Variants in GABRG3 observed in about 807,000 individuals in gnomAD.
The protein encoded by GABRG3 is gamma-aminobutyric acid type A receptor subunit gamma3.
In GABRG3, 25 loss-of-function variants were observed where a neutral mutation model predicts 48.8. The ratio of observed to expected loss-of-function variants is 0.51; its 90% CI spans 0.37 to 0.72. The LOEUF is 0.72. Ranked by LOEUF, GABRG3 falls within the 30% of genes least tolerant of loss-of-function variation. The pLI, the probability that GABRG3 is intolerant of heterozygous loss-of-function variation, is 0.00. For synonymous variants in GABRG3, 227 were observed against 217.6 expected, an observed-to-expected ratio of 1.04 and a Z score of -0.38; for missense variants, 394 against 577.9, an observed-to-expected ratio of 0.68 and a Z score of 3.26.
At chr15:27,501,748 G>C (rs906768984) in intron 6 of GABRG3, among the ~76,000 whole-genome samples, 2 of 152,124 alleles carry the variant, frequency 1.3e-5, no homozygotes, top group African/African-American at 4.8e-5. Context: ...CTGAGTCCAA[G>C]TTCTGTCTCG....
At chr15:27,062,232 C>T (rs965652616) in intron 3 of GABRG3, among the ~76,000 whole-genome samples, 9 of 151,920 alleles carry the variant, frequency 5.9e-5, no homozygotes, top group Non-Finnish European at 1.0e-4. Context: ...GGAGAGGGAG[C>T]TGGCTCCGCT....
intron 3 of GABRG3, among the ~76,000 whole-genome samples, chr15:27,316,313 G>A (rs897430226): frequency 4.0e-5 from 6 of 150,472 alleles, no homozygotes; most frequent in Admixed American, 2.0e-4. Flanking sequence ...GCGTGAACCC[G>A]GGAGGCAGAG....
chr15:27,092,705 T>A lies in GABRG3; in HGVS notation c.270+65884T>A, dbSNP rs375838365. On this transcript the variant is annotated intron_variant, in intron 3 of 9. Transcript: ENST00000615808. ...GCTTATCAAATATGTGTTTGCTTTG[T>A]GTGCAAGTTGAATTACAGAGTTTTC... Among the ~76,000 whole-genome samples, 25 of 152,318 alleles carry A rather than the reference T, an allele frequency of 1.6e-4. 1 individual carries two copies. The highest frequency in any genetic ancestry group is 5.8e-4 in the African/African-American group (24 of 41,572).
rs79524021 is a variant in GABRG3 at position 27,234,994 on chromosome 15, G to T, written c.271-91815G>T. Among the ~76,000 whole-genome samples the T allele has an allele frequency of 2.5e-3, 379 of 152,278 alleles. 1 individual carries two copies. The highest frequency in any genetic ancestry group is 8.5e-3 in the African/African-American group (353 of 41,556). ...CTGGTCCACTCTCCAAATAGCCACAGTTCTGGCCTGTTGGCTGAGGGCGTG... is the reference window on the plus strand; with the variant it reads ...CTGGTCCACTCTCCAAATAGCCACATTTCTGGCCTGTTGGCTGAGGGCGTG... On this transcript the variant is annotated intron_variant, in intron 3 of 9. Coordinates refer to ENST00000615808, the MANE Select transcript of GABRG3 (RefSeq NM_033223.5).
intron 3 of GABRG3, among the ~76,000 whole-genome samples, chr15:27,210,751 C>A (rs1300819940): frequency 6.6e-6 from 1 of 152,152 alleles, no homozygotes; most frequent in Admixed American, 6.5e-5. Flanking sequence ...AAGAACACCC[C>A]ATGAAGATTC....
intron 3 of GABRG3, among the ~76,000 whole-genome samples, chr15:27,293,350 A>C (rs1473244310): frequency 6.6e-6 from 1 of 152,146 alleles, no homozygotes; most frequent in Non-Finnish European, 1.5e-5. Flanking sequence ...GTTTATTGGG[A>C]GTAAATGCTG....
In GABRG3 at chr15:27,541,039, G is replaced by C. The variant is rs1891652611; in HGVS notation, c.*8158G>C. On this transcript the variant is annotated 3_prime_UTR_variant, in exon 10 of 10. Coordinates refer to ENST00000615808, the MANE Select transcript of GABRG3 (RefSeq NM_033223.5). ...AGGACAGAGGGAGAGAGAGAAAGTG[G>C]CAATCTGTACATTTCCTGACAAAGT... 6.6e-6 allele frequency: 1 copy of C among 152,182 alleles called. No homozygotes were observed. The highest frequency in any genetic ancestry group is 6.5e-5 in the Admixed American group (1 of 15,274). 9.4% of individuals were successfully genotyped at this position (152,182 alleles called of 1,614,324 possible). A position where few individuals can be genotyped will look rare whatever the true frequency, so the allele number is the denominator to read the frequency against.
At chr15:27,448,245 C>A (rs1889001512) in intron 5 of GABRG3, among the ~76,000 whole-genome samples, 1 of 152,124 alleles carries the variant, frequency 6.6e-6, no homozygotes, top group Non-Finnish European at 1.5e-5. Context: ...AGAGAACAAA[C>A]TTGGTTTTAG....
intron 2 of GABRG3, among the ~76,000 whole-genome samples, chr15:27,014,886 G>A (rs983398027): frequency 4.6e-5 from 7 of 152,086 alleles, no homozygotes; most frequent in Non-Finnish European, 7.4e-5. Flanking sequence ...TACTATTATC[G>A]TGTTGCTGTC....
At chr15:27,240,058 A>G (rs1340619067) in intron 3 of GABRG3, among the ~76,000 whole-genome samples, 2 of 152,238 alleles carry the variant, frequency 1.3e-5, no homozygotes, top group Non-Finnish European at 2.9e-5. Context: ...AATTAGTGTC[A>G]TCAATTACTT....
At chr15:27,317,366 G>T (rs988320322) in intron 3 of GABRG3, among the ~76,000 whole-genome samples, 1 of 152,180 alleles carries the variant, frequency 6.6e-6, no homozygotes, top group Admixed American at 6.5e-5. Context: ...AGCTAATCCT[G>T]TTTGTTTTTA....
At chr15:26,999,017 T>A (rs1218076225) in intron 2 of GABRG3, among the ~76,000 whole-genome samples, 1 of 152,140 alleles carries the variant, frequency 6.6e-6, no homozygotes, top group Non-Finnish European at 1.5e-5. Flanking sequence ...ATCCCTTGCC[T>A]TTGTTTTTGA....
At chr15:27,448,382 G>A (rs1258901615) in intron 5 of GABRG3, among the ~76,000 whole-genome samples, 1 of 152,166 alleles carries the variant, frequency 6.6e-6, no homozygotes, top group Non-Finnish European at 1.5e-5. Flanking sequence ...GACATGGCAT[G>A]GAAGAATACA....
intron 3 of GABRG3, among the ~76,000 whole-genome samples, chr15:27,088,883 T>A (rs1897135629): frequency 6.6e-6 from 1 of 151,390 alleles, no homozygotes; most frequent in East Asian, 2.0e-4. Flanking sequence ...GGAGACGGGG[T>A]GAGCCATGGG....
At chr15:27,243,008 C>T (rs1181035287) in intron 3 of GABRG3, among the ~76,000 whole-genome samples, 2 of 152,154 alleles carry the variant, frequency 1.3e-5, no homozygotes, top group African/African-American at 2.4e-5. Flanking sequence ...GACAGTGCAG[C>T]TGCATAAATC....
At position 27,130,541 on chromosome 15, in the gene GABRG3, TATTA is replaced by T. The variant is rs546847508; in HGVS notation, c.270+103724_270+103727del. Among the ~76,000 whole-genome samples the T allele has an allele frequency of 9.2e-5, 14 of 152,222 alleles. No homozygotes were observed. In the South Asian group the frequency reaches 1.2e-3, roughly 14 times the overall value. ...ATATTTGGAGTCTTTTGAATTTCTA[TATTA>T]ATTCTAGGATTTTCTTTTCAATGTC... On this transcript the variant is annotated intron_variant, in intron 3 of 9. Coordinates refer to ENST00000615808, the MANE Select transcript of GABRG3 (RefSeq NM_033223.5).
At chr15:27,000,853 C>A (rs190319083) in intron 2 of GABRG3, among the ~76,000 whole-genome samples, 110 of 152,288 alleles carry the variant, frequency 7.2e-4, no homozygotes, top group African/African-American at 2.5e-3. Flanking sequence ...TCAGATATTT[C>A]TTTATAGCAA....
chr15:27,234,423 A>G (rs1850033182), intron 3 of GABRG3, among the ~76,000 whole-genome samples: 2 of 152,128 alleles, frequency 1.3e-5, no homozygotes, highest in Admixed American at 6.5e-5. Context: ...CATCTGTACA[A>G]TGGAAATAAC....
intron 5 of GABRG3, among the ~76,000 whole-genome samples, chr15:27,438,144 A>T (rs1424781314): frequency 6.6e-6 from 1 of 152,184 alleles, no homozygotes; most frequent in African/African-American, 2.4e-5. Flanking sequence ...TGAAGGAGAC[A>T]GTCTTCCTGC....
Sources: allele counts gnomAD v4.1 joint callset (sites outside exome capture counted in the v4.1 genomes callset), GRCh38; gene constraint gnomAD v4.1.1; transcripts MANE v1.5; gene names NCBI Gene and HGNC (gene_info 2026-07-23, HGNC 2026-07-21).